Variants in PCDH15 observed in about 807,000 individuals in gnomAD.
PCDH15 encodes protocadherin related 15.
In PCDH15, 129 loss-of-function variants were observed where a neutral mutation model predicts 178.5. That is an observed-to-expected ratio of 0.72 (90% CI 0.63 to 0.84). The LOEUF (loss-of-function observed/expected upper bound fraction) is 0.84. PCDH15 is among the 40% of genes least tolerant of loss of function. The pLI is 0.00. For missense variants in PCDH15, 2,230 were observed against 2,099.9 expected, an observed-to-expected ratio of 1.06 and a Z score of -1.21; for synonymous variants, 800 against 732.0, an observed-to-expected ratio of 1.09 and a Z score of -1.50.
At chr10:54,913,463 C>T (rs1954851955) in intron 2 of PCDH15, among the ~76,000 whole-genome samples, 1 of 152,188 alleles carries the variant, frequency 6.6e-6, no homozygotes, top group African/African-American at 2.4e-5. Flanking sequence ...ACCTGGATGT[C>T]CAGGCAGAAG....
At chr10:54,081,869 G>T (rs964519595) in intron 16 of PCDH15, among the ~76,000 whole-genome samples, 1 of 151,996 alleles carries the variant, frequency 6.6e-6, no homozygotes, top group Non-Finnish European at 1.5e-5. Context: ...AGATGGTCTC[G>T]CCACAAAACG....
intron 2 of PCDH15, among the ~76,000 whole-genome samples, chr10:55,434,183 C>G (rs1838971689): frequency 6.9e-6 from 1 of 145,512 alleles, no homozygotes; most frequent in Non-Finnish European, 1.5e-5. Context: ...CGGGTTCACG[C>G]CATTCTCCTG....
At chr10:55,228,874 T>C (rs1841131756) in intron 1 of PCDH15, among the ~76,000 whole-genome samples, 1 of 151,968 alleles carries the variant, frequency 6.6e-6, no homozygotes, top group South Asian at 2.1e-4. Flanking sequence ...TATCATTTAC[T>C]CCCATCACAA....
chr10:54,470,881 C>T (rs570365012), intron 3 of PCDH15, among the ~76,000 whole-genome samples: 6 of 152,120 alleles, frequency 3.9e-5, no homozygotes, highest in South Asian at 2.1e-4. Context: ...AGGTGAGTAC[C>T]GGATGCTTTC....
At chr10:55,032,318 A>C (rs1840632274) in intron 2 of PCDH15, among the ~76,000 whole-genome samples, 1 of 152,218 alleles carries the variant, frequency 6.6e-6, no homozygotes, top group South Asian at 2.1e-4. Flanking sequence ...AGAATGACTA[A>C]TCAGGATATC....
At chr10:53,816,371 G>A (rs1411569777) in intron 34 of PCDH15, 94 bp from the exon 35 acceptor site, 4 of 396,652 alleles carry the variant, frequency 1.0e-5, no homozygotes, top group Non-Finnish European at 1.8e-5. Flanking sequence ...AAAGGCGACA[G>A]TTTAAAACGT....
intron 3 of PCDH15, among the ~76,000 whole-genome samples, chr10:54,404,680 C>T (rs1952398472): frequency 6.6e-6 from 1 of 151,864 alleles, no homozygotes; most frequent in South Asian, 2.1e-4. Context: ...AGGTTCTGTA[C>T]AACAAAAGAA....
chr10:55,506,552 G>A (rs536394418), intron 2 of PCDH15, among the ~76,000 whole-genome samples: 1 of 151,478 alleles, frequency 6.6e-6, no homozygotes, highest in Non-Finnish European at 1.5e-5. Context: ...CCATTTCAAG[G>A]CTCAAAAAGA....
chr10:54,539,801 C>T (rs2085002477), intron 2 of PCDH15, among the ~76,000 whole-genome samples: 1 of 152,110 alleles, frequency 6.6e-6, no homozygotes, highest in South Asian at 2.1e-4. Flanking sequence ...CAAAGTTATA[C>T]CAATCACATA....
intron 3 of PCDH15, among the ~76,000 whole-genome samples, chr10:54,474,650 T>C (rs775089488): frequency 1.1e-4 from 16 of 151,978 alleles, no homozygotes; most frequent in Non-Finnish European, 2.1e-4. Flanking sequence ...GGACGAAGTA[T>C]AATCCATAGG....
Position 54,747,500 on chromosome 10 carries a change from G to A in PCDH15, c.-29+53425C>T, listed in dbSNP as rs75282948. On this transcript the variant is annotated intron_variant, in intron 1 of 37. Coordinates refer to ENST00000644397, the MANE Select transcript of PCDH15 (RefSeq NM_001384140.1). ...TAAGGACTCTTACACCTACAAAGAG[G>A]AAAATGTTCCACATAATAAAGCATA... is the stretch of plus-strand genomic sequence containing the variant. 8.4e-3 allele frequency among the ~76,000 whole-genome samples: 1,274 copies of A among 152,212 alleles called. 14 individuals carry two copies. The highest frequency in any genetic ancestry group is 0.025 in the South Asian group (123 of 4,830).
intron 2 of PCDH15, among the ~76,000 whole-genome samples, chr10:55,102,990 G>A (rs1488684326): frequency 6.6e-6 from 1 of 152,040 alleles, no homozygotes; most frequent in Non-Finnish European, 1.5e-5. Context: ...AGGAGGTGTT[G>A]TTCTTGCTGT....
chr10:55,463,734 C>T (rs1475342873), intron 2 of PCDH15, among the ~76,000 whole-genome samples: 1 of 151,824 alleles, frequency 6.6e-6, no homozygotes, highest in African/African-American at 2.4e-5. Flanking sequence ...GCGTCAAACT[C>T]AATCACATCA....
At chr10:55,505,219 T>A (rs1378464411) in intron 2 of PCDH15, among the ~76,000 whole-genome samples, 1 of 151,392 alleles carries the variant, frequency 6.6e-6, no homozygotes, top group Non-Finnish European at 1.5e-5. Flanking sequence ...AATCTGGAAA[T>A]ACATCTTGAC....
chr10:55,622,130 T>TAATG (rs576318476), intron 2 of PCDH15, among the ~76,000 whole-genome samples: 10 of 60,864 alleles, frequency 1.6e-4, no homozygotes, highest in Non-Finnish European at 2.5e-4. Flanking sequence ...AATATATATA[T>TAATG]TATATATATT....
At chr10:54,936,385 GGT>G (rs1214540574) in intron 2 of PCDH15, among the ~76,000 whole-genome samples, 1 of 151,726 alleles carries the variant, frequency 6.6e-6, no homozygotes, top group African/African-American at 2.4e-5. Flanking sequence ...CCTTCTCTTG[GGT>G]ATATATCTAG....
Position 54,387,849 on chromosome 10 carries a change from T to G in PCDH15, c.158-8907A>C, listed in dbSNP as rs1486330233. On this transcript the variant is annotated intron_variant, in intron 3 of 37. Coordinates refer to ENST00000644397, the MANE Select transcript of PCDH15 (RefSeq NM_001384140.1). Reference sequence around the variant, plus strand: ...TGGCAATATTCATCGTCTCAGTGATTGAGTTTGTGTGGCAAACAGCAGGAC... The same window carrying G: ...TGGCAATATTCATCGTCTCAGTGATGGAGTTTGTGTGGCAAACAGCAGGAC... 3.9e-5 allele frequency among the ~76,000 whole-genome samples: 6 copies of G among 152,334 alleles called. No homozygotes were observed. The East Asian group carries it at 1.2e-3, about 29-fold the overall frequency.
intron 2 of PCDH15, among the ~76,000 whole-genome samples, chr10:55,571,942 A>T (rs2132110598): frequency 6.6e-6 from 1 of 152,176 alleles, no homozygotes; most frequent in African/African-American, 2.4e-5. Context: ...CTGCTAGGAT[A>T]TTTTTTATAT....
At chr10:55,056,612 TA>T (rs1488009042) in intron 2 of PCDH15, among the ~76,000 whole-genome samples, 12 of 63,978 alleles carry the variant, frequency 1.9e-4, no homozygotes, top group African/African-American at 9.5e-4. Flanking sequence ...TATTTTGTTT[TA>T]TTATTATTAT....
Sources: allele counts gnomAD v4.1 joint callset (sites outside exome capture counted in the v4.1 genomes callset), GRCh38; gene constraint gnomAD v4.1.1; transcripts MANE v1.5; gene names NCBI Gene and HGNC (gene_info 2026-07-23, HGNC 2026-07-21).